Variants in THSD7B observed in about 807,000 individuals in gnomAD.
THSD7B encodes the protein thrombospondin type 1 domain containing 7B, also known as thrombospondin type-1 domain-containing protein 7B.
THSD7B carries 138 observed loss-of-function variants against 213.6 expected under a neutral mutation model. The ratio of observed to expected loss-of-function variants is 0.65; its 90% CI spans 0.56 to 0.74. The LOEUF (loss-of-function observed/expected upper bound fraction) is 0.74. THSD7B is among the 30% of genes least tolerant of loss of function. THSD7B has a pLI of 0.00. For synonymous variants in THSD7B, 742 were observed against 687.0 expected, an observed-to-expected ratio of 1.08 and a Z score of -1.25; for missense variants, 1,931 against 1,991.5, an observed-to-expected ratio of 0.97 and a Z score of 0.58.
At chr2:136,787,206 G>A (rs993189151) in intron 1 of THSD7B, among the ~76,000 whole-genome samples, 4 of 151,976 alleles carry the variant, frequency 2.6e-5, no homozygotes, top group Middle Eastern at 6.8e-3. Context: ...TGAAATCCAA[G>A]AAGCTTCAAA....
intron 5 of THSD7B, among the ~76,000 whole-genome samples, chr2:137,146,899 A>G (rs1239245668): frequency 6.6e-6 from 1 of 152,186 alleles, no homozygotes; most frequent in Admixed American, 6.6e-5. Flanking sequence ...AGATTGGCCC[A>G]GTTCACAGGA....
At chr2:137,559,547 G>A (rs776925928) in intron 15 of THSD7B, among the ~76,000 whole-genome samples, 1 of 151,926 alleles carries the variant, frequency 6.6e-6, no homozygotes, top group African/African-American at 2.4e-5. Context: ...TCCTTACACA[G>A]TATACAAAAA....
intron 12 of THSD7B, among the ~76,000 whole-genome samples, chr2:137,351,489 G>GA (rs1685013090): frequency 6.6e-6 from 1 of 151,866 alleles, no homozygotes; most frequent in Admixed American, 6.6e-5. Flanking sequence ...AGGCAGAGTA[G>GA]GTTATCACTA....
intron 1 of THSD7B, among the ~76,000 whole-genome samples, chr2:136,871,255 G>A (rs1683426975): frequency 6.6e-6 from 1 of 152,136 alleles, no homozygotes; most frequent in Non-Finnish European, 1.5e-5. Context: ...TCAGGTTGAA[G>A]ATAGGGGAAT....
At chr2:136,971,671 C>CACACACACACACAT (rs1553461531) in intron 2 of THSD7B, among the ~76,000 whole-genome samples, 1 of 148,330 alleles carries the variant, frequency 6.7e-6, no homozygotes, top group Non-Finnish European at 1.5e-5. Flanking sequence ...CACACACACA[C>CACACACACACACAT]GATATGTATA....
chr2:137,548,356 G>A (rs976327210), intron 15 of THSD7B, among the ~76,000 whole-genome samples: 4 of 151,848 alleles, frequency 2.6e-5, no homozygotes, highest in Non-Finnish European at 5.9e-5. Context: ...CTTCTTCCTT[G>A]TTATATACTG....
chr2:137,260,051 C>T (rs922208966), intron 10 of THSD7B, among the ~76,000 whole-genome samples: 2 of 152,102 alleles, frequency 1.3e-5, no homozygotes, highest in African/African-American at 4.8e-5. Flanking sequence ...ACGGCCAGTG[C>T]TCCAAACCGT....
At chr2:137,667,065 A>G (rs1683462090) in intron 26 of THSD7B, among the ~76,000 whole-genome samples, 1 of 152,090 alleles carries the variant, frequency 6.6e-6, no homozygotes, top group Admixed American at 6.5e-5. Context: ...TTTCCATGCA[A>G]GGTTGTCTCT....
chr2:137,387,473 C>T (rs1349163875), intron 12 of THSD7B, among the ~76,000 whole-genome samples: 2 of 152,126 alleles, frequency 1.3e-5, no homozygotes, highest in Non-Finnish European at 2.9e-5. Flanking sequence ...GTAAAGACAA[C>T]AATATTCCAA....
intron 10 of THSD7B, among the ~76,000 whole-genome samples, chr2:137,250,543 A>G (rs1330851585): frequency 6.6e-6 from 1 of 152,240 alleles, no homozygotes; most frequent in Non-Finnish European, 1.5e-5. Context: ...ACTAACATTA[A>G]TAAATACCAA....
intron 15 of THSD7B, among the ~76,000 whole-genome samples, chr2:137,480,956 C>CGT (rs1688293363): frequency 6.6e-6 from 1 of 152,230 alleles, no homozygotes; most frequent in African/African-American, 2.4e-5. Context: ...AGGCCTCTTA[C>CGT]ACGGTCATTA....
chr2:137,588,226 G>A (rs372297761), intron 17 of THSD7B, among the ~76,000 whole-genome samples: 1 of 152,164 alleles, frequency 6.6e-6, no homozygotes, highest in Admixed American at 6.5e-5. Flanking sequence ...TCCAGGTGCT[G>A]TCTGTCACAG....
chr2:137,545,480 G>T (rs1017093579), intron 15 of THSD7B, among the ~76,000 whole-genome samples: 1 of 151,746 alleles, frequency 6.6e-6, no homozygotes, highest in Admixed American at 6.6e-5. Flanking sequence ...TCATTGAAAT[G>T]AAGCCACCCC....
intron 17 of THSD7B, among the ~76,000 whole-genome samples, chr2:137,605,991 A>AC (rs991934539): frequency 6.6e-6 from 1 of 150,782 alleles, no homozygotes; most frequent in Non-Finnish European, 1.5e-5. Flanking sequence ...TTTAGTAGAG[A>AC]CGGGGTTTCA....
intron 2 of THSD7B, among the ~76,000 whole-genome samples, chr2:137,040,640 G>A (rs1481811205): frequency 6.6e-6 from 1 of 151,934 alleles, no homozygotes; most frequent in Non-Finnish European, 1.5e-5. Context: ...TGATCCACCC[G>A]CCTTGGCATC....
intron 17 of THSD7B, among the ~76,000 whole-genome samples, chr2:137,573,426 C>A (rs1028328730): frequency 6.6e-6 from 1 of 151,958 alleles, no homozygotes; most frequent in African/African-American, 2.4e-5. Flanking sequence ...ATTATTGATT[C>A]CTTATTAAAT....
intron 12 of THSD7B, among the ~76,000 whole-genome samples, chr2:137,322,938 C>T (rs1330711928): frequency 6.6e-6 from 1 of 152,154 alleles, no homozygotes; most frequent in Non-Finnish European, 1.5e-5. Flanking sequence ...TATTATCTGA[C>T]ATTTCCACAG....
At chr2:136,997,212 C>G (rs1685908313) in intron 2 of THSD7B, among the ~76,000 whole-genome samples, 1 of 152,124 alleles carries the variant, frequency 6.6e-6, no homozygotes, top group African/African-American at 2.4e-5. Flanking sequence ...TTTTCTTTCT[C>G]CCCTTTCTTT....
intron 12 of THSD7B, among the ~76,000 whole-genome samples, chr2:137,295,779 A>G (rs1683448333): frequency 6.6e-6 from 1 of 152,034 alleles, no homozygotes; most frequent in South Asian, 2.1e-4. Context: ...CGGCCAAAAA[A>G]TCTTTTTAGG....
Sources: allele counts gnomAD v4.1 joint callset (sites outside exome capture counted in the v4.1 genomes callset), GRCh38; gene constraint gnomAD v4.1.1; transcripts MANE v1.5; gene names NCBI Gene and HGNC (gene_info 2026-07-23, HGNC 2026-07-21).